BBOX1: variants seen among roughly 807,000 people sequenced by gnomAD.
BBOX1 encodes the protein gamma-butyrobetaine dioxygenase.
BBOX1 carries 35 observed loss-of-function variants against 41.6 expected under a neutral mutation model. That is an observed-to-expected ratio of 0.84 (90% CI 0.64 to 1.11). The LOEUF (loss-of-function observed/expected upper bound fraction) is 1.11, where lower values mean the gene tolerates loss of function less well. Among genes scored for constraint, BBOX1 ranks in the 50% most tolerant of loss-of-function variants. The pLI, the probability that BBOX1 is intolerant of heterozygous loss-of-function variation, is 0.00. For synonymous variants in BBOX1, 163 were observed against 154.7 expected, an observed-to-expected ratio of 1.05 and a Z score of -0.40; for missense variants, 458 against 460.6, an observed-to-expected ratio of 0.99 and a Z score of 0.05.
intron 2 of BBOX1, among the ~76,000 whole-genome samples, chr11:27,048,520 C>CAGATAGATAGATGATAGAT: frequency 7.4e-6 from 1 of 135,762 alleles, no homozygotes; most frequent in East Asian, 2.3e-4. Flanking sequence ...AGATGATAGG[C>CAGATAGATAGATGATAGAT]AGATAGATAG....
At chr11:27,116,342 A>T (rs1038310327) in intron 6 of BBOX1, among the ~76,000 whole-genome samples, 9 of 151,738 alleles carry the variant, frequency 5.9e-5, no homozygotes, top group African/African-American at 1.9e-4. Context: ...AGGATAGGGG[A>T]GGGATAGCAT....
chr11:27,115,175 A>G (rs1859212563), intron 5 of BBOX1, among the ~76,000 whole-genome samples: 1 of 151,888 alleles, frequency 6.6e-6, no homozygotes, highest in Non-Finnish European at 1.5e-5. Flanking sequence ...ACCCAGTAAA[A>G]AGATAACCTA....
chr11:27,047,536 T>A (rs938382426), intron 2 of BBOX1, among the ~76,000 whole-genome samples: 2 of 152,116 alleles, frequency 1.3e-5, no homozygotes, highest in East Asian at 3.9e-4. Context: ...ACATTTCAAG[T>A]TATATAAAAA....
chr11:27,112,871 C>T (rs1859120546), intron 5 of BBOX1, among the ~76,000 whole-genome samples: 1 of 151,906 alleles, frequency 6.6e-6, no homozygotes, highest in South Asian at 2.1e-4. Flanking sequence ...GAACAGACAA[C>T]ATATAGAATG....
Position 27,115,577 on chromosome 11 carries a change from T to C in BBOX1, c.639+20T>C, listed in dbSNP as rs1859231047. On this transcript the variant is annotated intron_variant, in intron 6 of 8. Coordinates refer to ENST00000263182, the MANE Select transcript of BBOX1 (RefSeq NM_003986.3). ...CCTGGGGTAAGTGAGCTTCAACATA[T>C]TTTCCACAAAGCATGATGATGACCA... The C allele has an allele frequency of 3.2e-6, 5 of 1,582,114 alleles. No homozygotes were observed. The highest frequency in any genetic ancestry group is 4.3e-6 in the Non-Finnish European group (5 of 1,155,326).
chr11:27,094,905 A>G (rs557903788), intron 5 of BBOX1, among the ~76,000 whole-genome samples: 1 of 152,124 alleles, frequency 6.6e-6, no homozygotes, highest in African/African-American at 2.4e-5. Flanking sequence ...CAGACAAAGG[A>G]AAGAGGGGGA....
chr11:27,119,272 C>T (rs1859377952), intron 6 of BBOX1, among the ~76,000 whole-genome samples: 1 of 151,996 alleles, frequency 6.6e-6, no homozygotes, highest in Non-Finnish European at 1.5e-5. Flanking sequence ...ACTTACCCGC[C>T]TCTTCCCCTT....
intron 4 of BBOX1, among the ~76,000 whole-genome samples, chr11:27,089,556 G>A (rs1018309235): frequency 6.6e-6 from 1 of 151,926 alleles, no homozygotes; most frequent in Non-Finnish European, 1.5e-5. Context: ...TTACCACAGT[G>A]CCAGAAAACT....
chr11:27,056,794 A>C (rs1209122652), intron 3 of BBOX1, among the ~76,000 whole-genome samples: 1 of 151,570 alleles, frequency 6.6e-6, no homozygotes, highest in Non-Finnish European at 1.5e-5. Context: ...CTGGCCAGGC[A>C]TGGTGGCTCA....
intron 5 of BBOX1, among the ~76,000 whole-genome samples, chr11:27,097,895 T>A (rs947532499): frequency 6.6e-6 from 1 of 152,020 alleles, no homozygotes; most frequent in Admixed American, 6.6e-5. Context: ...ATTAAGATTA[T>A]GCAATGTCGT....
chr11:27,048,030 T>C (rs1005642151), intron 2 of BBOX1, among the ~76,000 whole-genome samples: 1 of 152,154 alleles, frequency 6.6e-6, no homozygotes, highest in Non-Finnish European at 1.5e-5. Flanking sequence ...AGTGTGATGC[T>C]TATCTATACA....
At chr11:27,063,829 C>T (rs1279898605) in intron 4 of BBOX1, among the ~76,000 whole-genome samples, 2 of 151,196 alleles carry the variant, frequency 1.3e-5, no homozygotes, top group Non-Finnish European at 2.9e-5. Context: ...ACTGTTAGGA[C>T]CCTCTAAAAT....
chr11:27,106,980 G>T (rs1166785862), intron 5 of BBOX1, among the ~76,000 whole-genome samples: 2 of 152,126 alleles, frequency 1.3e-5, no homozygotes, highest in Non-Finnish European at 2.9e-5. Flanking sequence ...ACCTGCTCCT[G>T]AATGACTACT....
chr11:27,089,186 T>C (rs930207964), intron 4 of BBOX1, among the ~76,000 whole-genome samples: 2 of 16,240 alleles, frequency 1.2e-4, no homozygotes, highest in Non-Finnish European at 2.3e-4. Flanking sequence ...GGCTATTTAT[T>C]TAAATTAATT....
chr11:27,073,726 G>A (rs923940295), intron 4 of BBOX1, among the ~76,000 whole-genome samples: 2 of 152,114 alleles, frequency 1.3e-5, no homozygotes, highest in Non-Finnish European at 2.9e-5. Flanking sequence ...GGAATACTAT[G>A]CAGCCATAAA....
chr11:27,064,493 T>C (rs1857224099), intron 4 of BBOX1, among the ~76,000 whole-genome samples: 2 of 152,212 alleles, frequency 1.3e-5, no homozygotes, highest in South Asian at 4.1e-4. Context: ...CCTACTGACT[T>C]GCAGAGAAAT....
chr11:27,043,280 G>T (rs1468001052), intron 2 of BBOX1, among the ~76,000 whole-genome samples: 1 of 151,950 alleles, frequency 6.6e-6, no homozygotes, highest in East Asian at 1.9e-4. Context: ...AGCCAAGGTG[G>T]TCTCGATTTC....
In BBOX1 at chr11:27,103,161, C is replaced by A. The variant is rs560759291; in HGVS notation, c.533+9795C>A. On this transcript the variant is annotated intron_variant, in intron 5 of 8. Transcript: ENST00000263182. ...TCATGCCACTGCACTCCAGCCCGGG[C>A]AACAGTGTGAGACTCCATCTCAACA... is the stretch of plus-strand genomic sequence containing the variant. Among the ~76,000 whole-genome samples the A allele has an allele frequency of 3.9e-5, 6 of 152,132 alleles. No homozygotes were observed. In the East Asian group the frequency reaches 1.2e-3, roughly 29 times the overall value.
chr11:27,125,892 C>A (rs1859633460), intron 8 of BBOX1, 72 bp downstream of exon 8: 3 of 1,487,328 alleles, frequency 2.0e-6, no homozygotes, highest in South Asian at 1.4e-5. Flanking sequence ...AGAATTATAT[C>A]CAGAGCAGTT....
Sources: allele counts gnomAD v4.1 joint callset (sites outside exome capture counted in the v4.1 genomes callset), GRCh38; gene constraint gnomAD v4.1.1; transcripts MANE v1.5; gene names NCBI Gene and HGNC (gene_info 2026-07-23, HGNC 2026-07-21).